GRIA4: variants seen among roughly 807,000 people sequenced by gnomAD.
The protein encoded by GRIA4 is glutamate receptor 4.
A neutral mutation model predicts 104.0 loss-of-function variants in GRIA4; 34 were observed. That is an observed-to-expected ratio of 0.33 (90% CI 0.25 to 0.44). The LOEUF is 0.44. GRIA4 is among the 20% of genes least tolerant of loss of function. GRIA4 has a pLI of 1.00. For missense variants in GRIA4, 750 were observed against 1,096.5 expected (o/e 0.68, Z 4.46); for synonymous variants, 386 against 381.9 (o/e 1.01, Z -0.13).
intron 4 of GRIA4, among the ~76,000 whole-genome samples, chr11:105,816,420 T>C (rs1943377280): frequency 6.6e-6 from 1 of 152,066 alleles, no homozygotes; most frequent in Non-Finnish European, 1.5e-5. Flanking sequence ...TGAGATCTGT[T>C]TGTTTAAAAG....
In GRIA4 at chr11:105,611,034, T is replaced by C. The variant is rs768852191; in HGVS notation, c.37T>C (p.Ser13Pro). ...TTCCAGACAGATTGTCTTGTTATTT[T>C]CTGGATTTTGGGGACTCGCCATGGG... ...IISRQIVLLF[S>P]GFWGLAMGAF... The change falls in exon 2 of 17, where the codon TCT becomes CCT. Residue 13 changes from serine (S) to proline (P), a missense_variant. Physicochemically the swap from Ser to Pro is moderately conservative, Grantham distance 74. Around this residue, in one of 3 missense-constraint regions of GRIA4, gnomAD observed 410 missense variants for 502.7 expected, o/e 0.82. Transcript: ENST00000282499. The C allele has an allele frequency of 8.7e-6, 14 of 1,613,614 alleles. No individual in the cohort carries two copies. In the South Asian group the frequency reaches 1.5e-4, roughly 18 times the overall value.
In GRIA4 at chr11:105,610,945, G is replaced by T. The variant is rs370439405; in HGVS notation, c.-53G>T. The T allele has an allele frequency of 7.6e-4, 807 of 1,063,814 alleles. 2 individuals carry two copies. Among genetic ancestry groups the T allele is most frequent in the Middle Eastern group, 1.4e-3 (7 of 4,914 alleles). The allele number at this position is 1,063,814 out of a possible 1,614,324, so 65.9% of individuals were successfully genotyped here. ...CAATGCTTCTCTGAACAGCCTTTAG[G>T]AAGAGTGCGAGAGAAAGAGAGAGAG... On this transcript the variant is annotated 5_prime_UTR_variant, in exon 2 of 17. Transcript: ENST00000282499.
intron 10 of GRIA4, among the ~76,000 whole-genome samples, chr11:105,918,268 G>C (rs1947465746): frequency 6.6e-6 from 1 of 152,102 alleles, no homozygotes; most frequent in Non-Finnish European, 1.5e-5. Context: ...AGTCACAGTT[G>C]AATGTGGCTA....
intron 4 of GRIA4, among the ~76,000 whole-genome samples, chr11:105,833,648 T>C (rs1017369302): frequency 6.6e-6 from 1 of 151,966 alleles, no homozygotes; most frequent in Non-Finnish European, 1.5e-5. Context: ...AAGAGTCCTC[T>C]AATATTAAGG....
rs187163252 is a variant in GRIA4 at position 105,920,368 on chromosome 11, T to C, written c.1476+1450T>C. ...TTTGATACAGTAAGCATAACTTAGA[T>C]GTTAACAATATCGAAGTTGTTGGAA... On this transcript the variant is annotated intron_variant, in intron 11 of 16. Coordinates refer to ENST00000282499, the MANE Select transcript of GRIA4 (RefSeq NM_000829.4). Among the ~76,000 whole-genome samples the C allele has an allele frequency of 1.2e-3, 184 of 152,320 alleles. 1 individual carries two copies. The highest frequency in any genetic ancestry group is 2.0e-3 in the Admixed American group (31 of 15,270).
chr11:105,762,374 C>T lies in GRIA4; in HGVS notation c.487+9154C>T, dbSNP rs181798494. Among the ~76,000 whole-genome samples the T allele has an allele frequency of 1.4e-4, 21 of 152,186 alleles. No homozygotes were observed. The East Asian group carries it at 3.9e-3, about 28-fold the overall frequency. ...AAATTGATACATTTTTGTTTAGAGT[C>T]GGGTAAAAACGTTGCTGACAATTGT... On this transcript the variant is annotated intron_variant, in intron 4 of 16. Coordinates refer to ENST00000282499, the MANE Select transcript of GRIA4 (RefSeq NM_000829.4).
chr11:105,779,220 A>G (rs977742965), intron 4 of GRIA4, among the ~76,000 whole-genome samples: 2 of 152,000 alleles, frequency 1.3e-5, no homozygotes, highest in African/African-American at 4.8e-5. Flanking sequence ...AGTCTTTGCT[A>G]TTGTGAATAG....
chr11:105,756,980 G>C (rs1436404939), intron 4 of GRIA4, among the ~76,000 whole-genome samples: 6 of 152,132 alleles, frequency 3.9e-5, no homozygotes, highest in African/African-American at 1.2e-4. Flanking sequence ...AAGCCAGTGG[G>C]AGAGCAAAAG....
At chr11:105,656,833 T>C (rs1366123876) in intron 3 of GRIA4, among the ~76,000 whole-genome samples, 2 of 152,060 alleles carry the variant, frequency 1.3e-5, no homozygotes, top group African/African-American at 4.8e-5. Context: ...GAATAAACTT[T>C]TATTTACAAA....
At chr11:105,947,925 G>C (rs1321928016) in intron 14 of GRIA4, among the ~76,000 whole-genome samples, 3 of 152,076 alleles carry the variant, frequency 2.0e-5, no homozygotes, top group Admixed American at 1.3e-4. Flanking sequence ...TCTTCACTTA[G>C]AATCTCATAA....
intron 5 of GRIA4, among the ~76,000 whole-genome samples, chr11:105,866,552 T>C (rs1434200505): frequency 5.0e-5 from 2 of 39,928 alleles, no homozygotes; most frequent in African/African-American, 3.2e-4. Flanking sequence ...TGTGTGTGTG[T>C]ATATATATAT....
chr11:105,706,792 C>T (rs1356403791), intron 3 of GRIA4: 1 of 152,184 alleles, frequency 6.6e-6, no homozygotes, highest in African/African-American at 2.4e-5. Context: ...ATATTGGCAA[C>T]ATCATTTCTG....
chr11:105,918,768 G>A lies in GRIA4; in HGVS notation c.1326G>A (p.Lys442=), dbSNP rs769074193. The stretch of plus-strand genomic sequence containing the variant: ...ATGAAATGTTTGAAGGAAATGACAA[G>A]TATGAAGGATACTGTGTAGATTTGG... ...KNHEMFEGND[K]YEGYCVDLAS... The change falls in exon 11 of 17, where the codon AAG becomes AAA. Residue 442 remains lysine, a synonymous_variant. Transcript: ENST00000282499. 2.3e-5 allele frequency: 36 copies of A among 1,598,058 alleles called. No individual in the cohort carries two copies. Among genetic ancestry groups the A allele is most frequent in the Non-Finnish European group, 2.8e-5 (33 of 1,165,856 alleles).
intron 3 of GRIA4, among the ~76,000 whole-genome samples, chr11:105,650,223 G>C (rs1951646783): frequency 1.3e-5 from 2 of 152,114 alleles, no homozygotes; most frequent in Non-Finnish European, 2.9e-5. Flanking sequence ...ATTGGTTGTT[G>C]CAAGTCTCAC....
chr11:105,884,538 T>C (rs1303153441), intron 5 of GRIA4, among the ~76,000 whole-genome samples: 1 of 152,230 alleles, frequency 6.6e-6, no homozygotes, highest in Non-Finnish European at 1.5e-5. Flanking sequence ...GTTTGTGCAG[T>C]ACATTTGTTT....
intron 4 of GRIA4, among the ~76,000 whole-genome samples, chr11:105,766,769 G>A (rs1940966084): frequency 6.6e-6 from 1 of 152,004 alleles, no homozygotes; most frequent in African/African-American, 2.4e-5. Context: ...TCTTATGATG[G>A]CAAACCAGGA....
intron 3 of GRIA4, among the ~76,000 whole-genome samples, chr11:105,647,519 A>G (rs1028184937): frequency 5.9e-5 from 9 of 152,190 alleles, no homozygotes; most frequent in Non-Finnish European, 1.2e-4. Flanking sequence ...ACTATTCACA[A>G]CAGCAAAGAC....
intron 4 of GRIA4, among the ~76,000 whole-genome samples, chr11:105,768,627 A>G (rs1399078049): frequency 6.6e-6 from 1 of 152,054 alleles, no homozygotes; most frequent in Non-Finnish European, 1.5e-5. Context: ...AATCAGTATG[A>G]ATGAGTGACG....
chr11:105,851,332 T>C (rs2135988094), intron 4 of GRIA4, among the ~76,000 whole-genome samples: 1 of 152,292 alleles, frequency 6.6e-6, no homozygotes, highest in South Asian at 2.1e-4. Context: ...TAAAGGGAAG[T>C]AGACAGGTAA....
Sources: gnomAD v4.1 joint callset for allele counts (sites outside exome capture counted in the v4.1 genomes callset) on GRCh38, gnomAD v4.1.1 for gene constraint, gnomAD v4.1.1 regional missense constraint, MANE v1.5 for transcripts, NCBI Gene and HGNC (gene_info 2026-07-23, HGNC 2026-07-21) for gene names.